RAPH1: variants seen among roughly 807,000 people sequenced by gnomAD.
The protein encoded by RAPH1 is Ras association (RalGDS/AF-6) and pleckstrin homology domains 1.
RAPH1 carries 18 observed loss-of-function variants against 88.1 expected under a neutral mutation model. That is an observed-to-expected ratio of 0.20 (90% CI 0.14 to 0.30). RAPH1 has a LOEUF of 0.30. Ranked by LOEUF, RAPH1 falls within the 10% of genes least tolerant of loss-of-function variation. The pLI is 1.00. For synonymous variants in RAPH1, 587 were observed against 559.0 expected (o/e 1.05, Z -0.71); for missense variants, 1,448 against 1,543.2 (o/e 0.94, Z 1.03).
chr2:203,532,571 A>G (rs1351053308), intron 1 of RAPH1, among the ~76,000 whole-genome samples: 2 of 152,150 alleles, frequency 1.3e-5, no homozygotes. Context: ...GTCTGTGCCT[A>G]TTTTCTCAAA....
intron 4 of RAPH1, chr2:203,477,010 A>G: frequency 1.8e-6 from 2 of 1,110,208 alleles, no homozygotes; most frequent in Non-Finnish European, 1.4e-6. Context: ...AGGTTTCATC[A>G]TTTGGAGGTC....
chr2:203,486,913 C>T (rs928276556), intron 4 of RAPH1, among the ~76,000 whole-genome samples: 6 of 152,158 alleles, frequency 3.9e-5, no homozygotes, highest in African/African-American at 1.2e-4. Flanking sequence ...TGCTATAGTC[C>T]TGGTTTACTC....
In RAPH1 at chr2:203,434,032, T is replaced by G. The variant is rs1271182481; in HGVS notation, c.*5405A>C. 1 of 137,600 alleles carries G rather than the reference T, an allele frequency of 7.3e-6. No individual in the cohort carries two copies. The highest frequency in any genetic ancestry group is 3.2e-5 in the African/African-American group (1 of 31,424). The allele number at this position is 137,600 out of a possible 1,614,324, so 8.5% of individuals were successfully genotyped here. On this transcript the variant is annotated 3_prime_UTR_variant, in exon 14 of 14. Coordinates refer to ENST00000319170, the MANE Select transcript of RAPH1 (RefSeq NM_213589.3). ...CATCCTCAGTAGTACTGAATATATC[T>G]CTCTCATATATCTATCTATCTATCT...
rs1690567692 is a variant in RAPH1, at chr2:203,535,253, G to GCTCAGTGA, written c.-151_-144dup. 6.9e-6 allele frequency: 1 copy of GCTCAGTGA among 144,322 alleles called. No individual in the cohort carries two copies. The highest frequency in any genetic ancestry group is 1.5e-5 in the Non-Finnish European group (1 of 65,312). The allele number at this position is 144,322 out of a possible 1,614,324, so 8.9% of individuals were successfully genotyped here. ...ACTGCCAGCAGCTCCCGCGCCGCGC[G>GCTCAGTGA]CTCAGTGACTGACTGACTGACTGAC... On this transcript the variant is annotated 5_prime_UTR_variant, in exon 1 of 14. Transcript: ENST00000319170.
rs569921877 is a variant in RAPH1, at chr2:203,454,319, G to A, written c.1413+111C>T. 161 of 721,020 alleles carry A rather than the reference G, an allele frequency of 2.2e-4. 1 individual carries two copies. The African/African-American group carries it at 2.6e-3, about 12-fold the overall frequency. The allele number at this position is 721,020 out of a possible 1,614,324, so 44.7% of individuals were successfully genotyped here. On this transcript the variant is annotated intron_variant, in intron 10 of 13. Coordinates refer to ENST00000319170, the MANE Select transcript of RAPH1 (RefSeq NM_213589.3). ...TTCACCATTCCTTTTTAAACTTTGAGAATAAAGCAAAAACAGTATAATTGA... is the reference window on the plus strand; with the variant it reads ...TTCACCATTCCTTTTTAAACTTTGAAAATAAAGCAAAAACAGTATAATTGA...
At chr2:203,534,570 G>A (rs1251731286) in intron 1 of RAPH1, among the ~76,000 whole-genome samples, 1 of 129,664 alleles carries the variant, frequency 7.7e-6, no homozygotes, top group Non-Finnish European at 1.5e-5. Flanking sequence ...AATACAGACC[G>A]CAAGAGGAGA....
intron 4 of RAPH1, among the ~76,000 whole-genome samples, chr2:203,485,046 T>C (rs1323238235): frequency 6.6e-6 from 1 of 152,154 alleles, no homozygotes; most frequent in Admixed American, 6.5e-5. Context: ...GCAGTACCTT[T>C]TAACAGCCAA....
In RAPH1 at chr2:203,444,729, C is replaced by T. The variant is rs977519044; in HGVS notation, c.1776+139G>A. On this transcript the variant is annotated intron_variant, in intron 13 of 13. Coordinates refer to ENST00000319170, the MANE Select transcript of RAPH1 (RefSeq NM_213589.3). ...CTCTCTGAACTGTCTTTACCCACTA[C>T]AATTAGGAAGATTGAAAATTAATAA... is the stretch of plus-strand genomic sequence containing the variant. 4.1e-6 allele frequency: 3 copies of T among 727,068 alleles called. No homozygotes were observed. In the East Asian group the frequency reaches 8.1e-5, roughly 20 times the overall value. 45.0% of individuals were successfully genotyped at this position (727,068 alleles called of 1,614,324 possible).
chr2:203,472,125 TTC>T (rs1184318805), intron 4 of RAPH1, among the ~76,000 whole-genome samples: 1 of 150,494 alleles, frequency 6.6e-6, no homozygotes, highest in Non-Finnish European at 1.5e-5. Flanking sequence ...GTTTCTTTAG[TTC>T]TTTTTTTTTT....
rs1246101875 is a variant in RAPH1, at chr2:203,485,938, T to C, written c.732+3646A>G. On this transcript the variant is annotated intron_variant, in intron 4 of 13. Transcript: ENST00000319170. The stretch of plus-strand genomic sequence containing the variant: ...CCTAGAAGGATTTGATGAAAGTTCA[T>C]AGACTGGAACAATGGGGACCATCCT... 2.6e-5 allele frequency among the ~76,000 whole-genome samples: 4 copies of C among 152,052 alleles called. 1 individual carries two copies. Among genetic ancestry groups the C allele is most frequent in the Non-Finnish European group, 5.9e-5 (4 of 67,996 alleles).
chr2:203,442,287 T>A, intron 13 of RAPH1: 1 of 441,866 alleles, frequency 2.3e-6, no homozygotes, highest in Non-Finnish European at 4.0e-6. Context: ...TTCGTGGAGC[T>A]AATCATGCAC....
chr2:203,471,359 C>T (rs748002581), intron 4 of RAPH1, among the ~76,000 whole-genome samples: 2 of 152,090 alleles, frequency 1.3e-5, no homozygotes, highest in Admixed American at 6.5e-5. Context: ...GTACATGGCC[C>T]CTAGCACTTT....
At chr2:203,471,854 AT>A (rs1405381301) in intron 4 of RAPH1, among the ~76,000 whole-genome samples, 1 of 151,726 alleles carries the variant, frequency 6.6e-6, no homozygotes, top group Admixed American at 6.6e-5. Flanking sequence ...AATTTTTTTA[AT>A]TGGACATATT....
chr2:203,514,355 T>TTTTTTG (rs371170421), intron 1 of RAPH1, among the ~76,000 whole-genome samples: 1 of 152,194 alleles, frequency 6.6e-6, no homozygotes, highest in Non-Finnish European at 1.5e-5. Context: ...CTTTTAGGGT[T>TTTTTTG]TTTTTGTTTT....
intron 2 of RAPH1, among the ~76,000 whole-genome samples, chr2:203,492,990 G>C (rs1688340202): frequency 6.6e-6 from 1 of 152,156 alleles, no homozygotes; most frequent in Admixed American, 6.5e-5. Flanking sequence ...ATACCACTGA[G>C]TACGTGATAC....
intron 1 of RAPH1, among the ~76,000 whole-genome samples, chr2:203,521,448 G>A (rs1020795953): frequency 1.3e-5 from 2 of 152,034 alleles, no homozygotes; most frequent in Admixed American, 6.6e-5. Context: ...GGATACATAC[G>A]TATGTATTAA....
chr2:203,476,509 T>C (rs1474097357), intron 4 of RAPH1, among the ~76,000 whole-genome samples: 1 of 152,066 alleles, frequency 6.6e-6, no homozygotes, highest in African/African-American at 2.4e-5. Flanking sequence ...TAGTAAGTCT[T>C]TGAAGTCCAG....
chr2:203,509,578 C>T lies in RAPH1; in HGVS notation c.1-14225G>A, dbSNP rs185197947. Among the ~76,000 whole-genome samples the T allele has an allele frequency of 4.5e-4, 68 of 152,216 alleles. 1 individual carries two copies. In the East Asian group the frequency reaches 0.013, roughly 28 times the overall value. On this transcript the variant is annotated intron_variant, in intron 1 of 13. Coordinates refer to ENST00000319170, the MANE Select transcript of RAPH1 (RefSeq NM_213589.3). Reference sequence around the variant, plus strand: ...ACAAAAGGAGTAAAACAGTAAATCACTTCTATTTTGCATTATTCATTAACA... The same window carrying T: ...ACAAAAGGAGTAAAACAGTAAATCATTTCTATTTTGCATTATTCATTAACA...
chr2:203,450,099 G>A (rs1379170245), intron 10 of RAPH1, among the ~76,000 whole-genome samples: 4 of 150,810 alleles, frequency 2.7e-5, no homozygotes, highest in Non-Finnish European at 5.9e-5. Flanking sequence ...CCCAATCATA[G>A]TCATTTGTTG....
Sources: allele counts gnomAD v4.1 joint callset (sites outside exome capture counted in the v4.1 genomes callset), GRCh38; gene constraint gnomAD v4.1.1; transcripts MANE v1.5; gene names NCBI Gene and HGNC (gene_info 2026-07-23, HGNC 2026-07-21).